KCNH8: variants seen among roughly 807,000 people sequenced by gnomAD.
KCNH8 encodes potassium voltage-gated channel subfamily H member 8.
In KCNH8, 70 loss-of-function variants were observed where a neutral mutation model predicts 103.6. The observed-to-expected ratio is 0.68, with a 90% CI of 0.56 to 0.82. The LOEUF is 0.82. Ranked by LOEUF, KCNH8 falls within the 40% of genes least tolerant of loss-of-function variation. KCNH8 has a pLI of 0.00. For missense variants in KCNH8, 1,217 were observed against 1,329.9 expected, an observed-to-expected ratio of 0.92 and a Z score of 1.32; for synonymous variants, 498 against 489.4, an observed-to-expected ratio of 1.02 and a Z score of -0.23.
At position 19,513,306 on chromosome 3, in the gene KCNH8, C is replaced by T. The variant is rs753910763; in HGVS notation, c.2416C>T (p.Pro806Ser). Residue 806 changes from proline (P) to serine (S), a missense_variant, in exon 13 of 16, where the codon CCC becomes TCC. Pro to Ser is a moderately conservative substitution (Grantham distance 74). Transcript: ENST00000328405. The part of the protein sequence containing the change: ...LQLSTLNNAG[P>S]PDLSPRIVDG... ...ACTTTCAACTTTGAATAATGCTGGACCCCCAGACCTCAGTCCAAGGTAAGA... is the reference window on the plus strand; with the variant it reads ...ACTTTCAACTTTGAATAATGCTGGATCCCCAGACCTCAGTCCAAGGTAAGA... The T allele has an allele frequency of 1.9e-6, 3 of 1,599,418 alleles. No homozygotes were observed. The highest frequency in any genetic ancestry group is 1.7e-4 in the Middle Eastern group (1 of 5,922).
At position 19,466,649 on chromosome 3, in the gene KCNH8, ATTTTTTTTTTTTTTTT is replaced by A. The variant is rs869048680; in HGVS notation, c.2040+9684_2040+9699del. Reference sequence around the variant, plus strand: ...GATTGTTAACATTTTGTAGCAATACATTTTTTTTTTTTTTTTTTTTTTTTTTTTTTTTAGATGAAGT... The same window carrying A: ...GATTGTTAACATTTTGTAGCAATACATTTTTTTTTTTTTTTTAGATGAAGT... On this transcript the variant is annotated intron_variant, in intron 11 of 15. Transcript: ENST00000328405. Among the ~76,000 whole-genome samples the A allele has an allele frequency of 2.2e-4, 11 of 50,642 alleles. No individual in the cohort carries two copies. In the East Asian group the frequency reaches 3.3e-3, roughly 15 times the overall value. 33.2% of individuals were successfully genotyped at this position (50,642 alleles called of 152,430 possible). A position where few individuals can be genotyped will look rare whatever the true frequency, so the allele number is the denominator to read the frequency against.
chr3:19,437,973 C>T (rs1000745513), intron 7 of KCNH8, among the ~76,000 whole-genome samples, 191 bp from the exon 8 acceptor site: 1 of 152,152 alleles, frequency 6.6e-6, no homozygotes, highest in African/African-American at 2.4e-5. Flanking sequence ...TTATAGAGAA[C>T]AGCATGAGTA....
Position 19,148,806 on chromosome 3 carries a change from C to A in KCNH8, c.76+11C>A, listed in dbSNP as rs1475732553. 1 of 1,611,248 alleles carries A rather than the reference C, an allele frequency of 6.2e-7. No homozygotes were observed. The highest frequency in any genetic ancestry group is 1.7e-5 in the Admixed American group (1 of 60,032). ...GTTTTGACGGAACACGTAAGTCTTA[C>A]ACTTGAACGAGTGGTATGGCATTTT... On this transcript the variant is annotated intron_variant, in intron 1 of 15. Transcript: ENST00000328405.
At chr3:19,458,892 C>G (rs1435901534) in intron 11 of KCNH8, among the ~76,000 whole-genome samples, 1 of 151,954 alleles carries the variant, frequency 6.6e-6, no homozygotes, top group African/African-American at 2.4e-5. Flanking sequence ...GCATAATGAC[C>G]TCCAGTTTCA....
chr3:19,167,262 A>T (rs903335516), intron 1 of KCNH8, among the ~76,000 whole-genome samples: 1 of 152,212 alleles, frequency 6.6e-6, no homozygotes, highest in Non-Finnish European at 1.5e-5. Flanking sequence ...AAAAGGGTTG[A>T]TGAGGGAATT....
chr3:19,181,643 C>CA (rs1196937824), intron 1 of KCNH8, among the ~76,000 whole-genome samples: 1 of 151,842 alleles, frequency 6.6e-6, no homozygotes, highest in African/African-American at 2.4e-5. Flanking sequence ...AAAATTGACT[C>CA]AAAAAATAGA....
At chr3:19,418,419 CCA>C (rs1258453314) in intron 7 of KCNH8, among the ~76,000 whole-genome samples, 2 of 152,138 alleles carry the variant, frequency 1.3e-5, no homozygotes, top group African/African-American at 4.8e-5. Flanking sequence ...AACTCCAGCA[CCA>C]ATATAGCTTA....
intron 1 of KCNH8, among the ~76,000 whole-genome samples, chr3:19,159,107 C>A (rs138556210): frequency 6.6e-6 from 1 of 151,660 alleles, no homozygotes; most frequent in African/African-American, 2.4e-5. Flanking sequence ...TTTCATTAAG[C>A]CTTTTTATCC....
intron 3 of KCNH8, among the ~76,000 whole-genome samples, chr3:19,323,663 T>G (rs561397016): frequency 6.6e-6 from 1 of 152,140 alleles, no homozygotes; most frequent in Non-Finnish European, 1.5e-5. Flanking sequence ...GACTCTTGAT[T>G]GCTGTTCAGA....
intron 11 of KCNH8, among the ~76,000 whole-genome samples, chr3:19,486,131 G>C (rs1160561954): frequency 6.6e-6 from 1 of 152,184 alleles, no homozygotes; most frequent in African/African-American, 2.4e-5. Flanking sequence ...TGATGAAGCT[G>C]CTCCCATCTA....
chr3:19,159,312 A>T (rs1165688337), intron 1 of KCNH8, among the ~76,000 whole-genome samples: 3 of 151,726 alleles, frequency 2.0e-5, no homozygotes, highest in African/African-American at 7.3e-5. Context: ...ATATGTAAAA[A>T]TATATATACA....
chr3:19,456,640 G>GC (rs879570750), intron 10 of KCNH8, 128 bp from the exon 11 acceptor site: 3 of 644,802 alleles, frequency 4.7e-6, no homozygotes, highest in Non-Finnish European at 5.5e-6. Context: ...GAAAAGCCCT[G>GC]CCCCAAGGTA....
intron 5 of KCNH8, among the ~76,000 whole-genome samples, chr3:19,390,074 A>G (rs930936697): frequency 8.5e-5 from 13 of 152,268 alleles, no homozygotes; most frequent in African/African-American, 2.6e-4. Flanking sequence ...TAAGTGAAAT[A>G]TCCTATGCCA....
intron 1 of KCNH8, among the ~76,000 whole-genome samples, chr3:19,246,049 C>T (rs986618675): frequency 4.5e-4 from 69 of 152,102 alleles, no homozygotes; most frequent in African/African-American, 1.6e-3. Context: ...GTGAAATTTA[C>T]AAAATTTATT....
chr3:19,323,300 T>A (rs1312636927), intron 3 of KCNH8, among the ~76,000 whole-genome samples: 1 of 151,876 alleles, frequency 6.6e-6, no homozygotes, highest in Non-Finnish European at 1.5e-5. Flanking sequence ...ATATAAAAAA[T>A]TAGCTGGGCG....
intron 11 of KCNH8, among the ~76,000 whole-genome samples, chr3:19,497,249 T>A (rs2068462877): frequency 6.6e-6 from 1 of 152,190 alleles, no homozygotes; most frequent in Admixed American, 6.5e-5. Context: ...TATCCTTCAG[T>A]TTAGCTCTAA....
At chr3:19,175,415 G>A (rs1479044957) in intron 1 of KCNH8, among the ~76,000 whole-genome samples, 2 of 151,928 alleles carry the variant, frequency 1.3e-5, no homozygotes, top group African/African-American at 4.8e-5. Flanking sequence ...TAGAGACAGG[G>A]TTTCACCGTG....
intron 11 of KCNH8, among the ~76,000 whole-genome samples, chr3:19,504,812 A>G (rs1055916109): frequency 2.0e-5 from 3 of 152,114 alleles, no homozygotes; most frequent in Non-Finnish European, 4.4e-5. Context: ...CAACTCAACA[A>G]TCACATTATT....
intron 1 of KCNH8, among the ~76,000 whole-genome samples, chr3:19,155,680 C>CT (rs1380917279): frequency 6.6e-6 from 1 of 152,156 alleles, no homozygotes; most frequent in Non-Finnish European, 1.5e-5. Context: ...TGGGACTCTG[C>CT]TTTTCACTTG....
Sources: gnomAD v4.1 joint callset for allele counts (sites outside exome capture counted in the v4.1 genomes callset) on GRCh38, gnomAD v4.1.1 for gene constraint, MANE v1.5 for transcripts, NCBI Gene and HGNC (gene_info 2026-07-23, HGNC 2026-07-21) for gene names.